ITGB6: variants seen among roughly 807,000 people sequenced by gnomAD.
The protein encoded by ITGB6 is integrin subunit beta 6.
Under a neutral mutation model 84.5 loss-of-function variants are expected in ITGB6, and 80 were observed. The ratio of observed to expected loss-of-function variants is 0.95; its 90% CI spans 0.79 to 1.14. The LOEUF (loss-of-function observed/expected upper bound fraction) is 1.14, where lower values mean the gene tolerates loss of function less well. ITGB6 is among the 50% of genes most tolerant of loss of function. ITGB6 has a pLI of 0.00. For missense variants in ITGB6, 1,006 were observed against 968.0 expected, an observed-to-expected ratio of 1.04 and a Z score of -0.52; for synonymous variants, 383 against 354.9, an observed-to-expected ratio of 1.08 and a Z score of -0.89.
rs35948673 is a variant in ITGB6 at position 160,111,599 on chromosome 2, G to GTTTTTT, written c.2101+475_2101+480dup. 1.1e-4 allele frequency among the ~76,000 whole-genome samples: 15 copies of GTTTTTT among 134,506 alleles called. 2 individuals are homozygous for GTTTTTT. Among genetic ancestry groups the GTTTTTT allele is most frequent in the African/African-American group, 2.3e-4 (8 of 35,382 alleles). 88.2% of individuals were successfully genotyped at this position (134,506 alleles called of 152,430 possible). On this transcript the variant is annotated intron_variant, in intron 13 of 14. Transcript: ENST00000283249. ...GCTGCAACTACAAGTCATCTTAGCT[G>GTTTTTT]TTTTTTTTTTTTTTTGGCAGAGTCT... is the stretch of plus-strand genomic sequence containing the variant.
rs1188192152 is a variant in ITGB6, at chr2:160,122,271, C to A, written c.1981+1520G>T. ...TTTTAAATGCCACTGGAGCCCTAGT[C>A]TTCCTCTCCAATCTCAGCATTTATG... On this transcript the variant is annotated intron_variant, in intron 12 of 14. Coordinates refer to ENST00000283249, the MANE Select transcript of ITGB6 (RefSeq NM_000888.5). Among the ~76,000 whole-genome samples, 5 of 152,142 alleles carry A rather than the reference C, an allele frequency of 3.3e-5. No individual in the cohort carries two copies. The East Asian group carries it at 9.6e-4, about 29-fold the overall frequency.
At chr2:160,148,651 C>G (rs1840893) in intron 7 of ITGB6, among the ~76,000 whole-genome samples, 32,152 of 152,104 alleles carry the variant, frequency 0.21, 4,351 homozygotes, top group Middle Eastern at 0.38. Flanking sequence ...GGGGCATTGC[C>G]TCACCCGGGA....
intron 13 of ITGB6, among the ~76,000 whole-genome samples, chr2:160,109,011 G>T (rs1697016904): frequency 6.6e-6 from 1 of 152,158 alleles, no homozygotes; most frequent in South Asian, 2.1e-4. Context: ...CAAAATCCAT[G>T]GGATCTGGGG....
intron 4 of ITGB6, among the ~76,000 whole-genome samples, chr2:160,189,074 AC>A (rs1330796650): frequency 6.6e-6 from 1 of 152,188 alleles, no homozygotes; most frequent in Non-Finnish European, 1.5e-5. Flanking sequence ...CTGATCTTTG[AC>A]AAACCTGACA....
chr2:160,119,209 T>A (rs1682920123), intron 12 of ITGB6, among the ~76,000 whole-genome samples: 1 of 152,096 alleles, frequency 6.6e-6, no homozygotes, highest in Admixed American at 6.5e-5. Flanking sequence ...CGTCACCAAG[T>A]CAATCCTAAG....
intron 13 of ITGB6, among the ~76,000 whole-genome samples, chr2:160,108,499 C>T (rs1409796660): frequency 1.3e-5 from 2 of 152,124 alleles, no homozygotes; most frequent in Non-Finnish European, 2.9e-5. Context: ...TGTACAGTAG[C>T]TGTGTGAATG....
At chr2:160,186,397 A>G (rs1685899073) in intron 4 of ITGB6, among the ~76,000 whole-genome samples, 1 of 152,240 alleles carries the variant, frequency 6.6e-6, no homozygotes, top group South Asian at 2.1e-4. Context: ...AGAGAAATGC[A>G]AATCAAAACC....
intron 12 of ITGB6, among the ~76,000 whole-genome samples, chr2:160,116,296 A>C (rs1218528621): frequency 1.3e-5 from 2 of 151,818 alleles, no homozygotes; most frequent in Non-Finnish European, 2.9e-5. Context: ...GAAGCCCATC[A>C]GACTAACAGC....
rs1292368259 is a variant in ITGB6, at chr2:160,126,497, C to T, written c.1765G>A (p.Val589Met). Residue 589 changes from valine (V) to methionine (M), a missense_variant, in exon 11 of 15, where the codon GTG (valine) becomes ATG (methionine). Val to Met is a conservative substitution (Grantham distance 21). Transcript: ENST00000283249. ...STDSCVSEDG[V>M]LCSGRGDCVC... ...CAGTCCCCGCGCCCGCTGCAGAGCA[C>T]TCCATCTTCAGAGACGCAGGAGTCC... The T allele has an allele frequency of 1.9e-6, 3 of 1,614,116 alleles. No individual in the cohort carries two copies. The highest frequency in any genetic ancestry group is 2.5e-6 in the Non-Finnish European group (3 of 1,180,048).
chr2:160,169,618 A>C (rs1222157062), intron 6 of ITGB6, among the ~76,000 whole-genome samples: 1 of 152,214 alleles, frequency 6.6e-6, no homozygotes, highest in Non-Finnish European at 1.5e-5. Flanking sequence ...TCCTATTTTC[A>C]AGGGTAGACA....
intron 4 of ITGB6, among the ~76,000 whole-genome samples, chr2:160,182,538 G>A (rs1192241528): frequency 6.6e-6 from 1 of 152,172 alleles, no homozygotes; most frequent in Non-Finnish European, 1.5e-5. Flanking sequence ...GAAAGTGATG[G>A]GGAGAATGGA....
At chr2:160,199,671 T>C (rs776482516) in intron 1 of ITGB6, among the ~76,000 whole-genome samples, 1 of 152,234 alleles carries the variant, frequency 6.6e-6, no homozygotes, top group Non-Finnish European at 1.5e-5. Flanking sequence ...TCAAGATTAT[T>C]ACTCCTAAGT....
At chr2:160,106,597 A>G (rs1696917297) in intron 14 of ITGB6, among the ~76,000 whole-genome samples, 1 of 152,218 alleles carries the variant, frequency 6.6e-6, no homozygotes, top group Non-Finnish European at 1.5e-5. Context: ...CACGATCCAA[A>G]CAAAATCCAT....
At chr2:160,112,293 G>T in intron 12 of ITGB6, 94 bp from the exon 13 acceptor site, 1 of 1,193,946 alleles carries the variant, frequency 8.4e-7, no homozygotes, top group South Asian at 1.4e-5. Context: ...ATGTAAATTA[G>T]AGTTTTCAAT....
intron 7 of ITGB6, among the ~76,000 whole-genome samples, chr2:160,160,205 C>G (rs1684767019): frequency 6.6e-6 from 1 of 152,156 alleles, no homozygotes; most frequent in African/African-American, 2.4e-5. Flanking sequence ...ACTATTTGAC[C>G]CTTTGTAGAT....
rs72977408 is a variant in ITGB6, at chr2:160,111,876, G to A, written c.2101+204C>T. 0.2 allele frequency among the ~76,000 whole-genome samples: 29,712 copies of A among 151,936 alleles called. 3,209 individuals are homozygous for A. The highest frequency in any genetic ancestry group is 0.32 in the Admixed American group (4,931 of 15,278). ...ATTACAGGTGTGAGCCACCGTGCCC[G>A]ACCCTTATCTGGTCTTAATAAGAGA... On this transcript the variant is annotated intron_variant, in intron 13 of 14. Transcript: ENST00000283249.
rs1684026624 is a variant in ITGB6, at chr2:160,142,210, TC to T, written c.1018-140del. 5 of 583,470 alleles carry T rather than the reference TC, an allele frequency of 8.6e-6. No individual in the cohort carries two copies. In the South Asian group the frequency reaches 1.1e-4, roughly 13 times the overall value. The allele number at this position is 583,470 out of a possible 1,614,324, so 36.1% of individuals were successfully genotyped here. A position where few individuals can be genotyped will look rare whatever the true frequency, so the allele number is the denominator to read the frequency against. On this transcript the variant is annotated intron_variant, in intron 7 of 14. Coordinates refer to ENST00000283249, the MANE Select transcript of ITGB6 (RefSeq NM_000888.5). ...GTTCGTGATAACAAACCTGCTTTTC[TC>T]CTGAAACTGTAGCCTTTACTTTGTG...
intron 7 of ITGB6, among the ~76,000 whole-genome samples, chr2:160,162,397 C>T (rs905835074): frequency 2.6e-5 from 4 of 151,908 alleles, no homozygotes; most frequent in African/African-American, 9.7e-5. Context: ...TACACACACA[C>T]ATATTTTTAA....
chr2:160,153,385 A>G (rs1411690078), intron 7 of ITGB6, among the ~76,000 whole-genome samples: 1 of 152,248 alleles, frequency 6.6e-6, no homozygotes, highest in Non-Finnish European at 1.5e-5. Context: ...GGCTAGCCAT[A>G]TGTAGAAAGC....
Sources: allele counts gnomAD v4.1 joint callset (sites outside exome capture counted in the v4.1 genomes callset), GRCh38; gene constraint gnomAD v4.1.1; transcripts MANE v1.5; gene names NCBI Gene and HGNC (gene_info 2026-07-23, HGNC 2026-07-21).